CAB39: variants seen among roughly 807,000 people sequenced by gnomAD.
The protein encoded by CAB39 is calcium-binding protein 39.
Under a neutral mutation model 40.0 loss-of-function variants are expected in CAB39, and 8 were observed. That is an observed-to-expected ratio of 0.20 (90% CI 0.12 to 0.36). The LOEUF (loss-of-function observed/expected upper bound fraction) is 0.36. Ranked by LOEUF, CAB39 falls within the 10% of genes least tolerant of loss-of-function variation. The probability of loss-of-function intolerance (pLI) is 1.00; values close to 1 mark genes in which losing one functional copy is unlikely to be tolerated. For synonymous variants in CAB39, 156 were observed against 141.6 expected (o/e 1.10, Z -0.72); for missense variants, 270 against 401.1 (o/e 0.67, Z 2.79).
chr2:230,714,536 A>G (rs147477362), intron 1 of CAB39, among the ~76,000 whole-genome samples: 256 of 152,360 alleles, frequency 1.7e-3, no homozygotes, highest in African/African-American at 5.7e-3. Flanking sequence ...GCTACAGTGC[A>G]TAAAAACTTC....
chr2:230,740,650 A>G (rs1471435008), intron 1 of CAB39, among the ~76,000 whole-genome samples: 1 of 152,074 alleles, frequency 6.6e-6, no homozygotes, highest in East Asian at 1.9e-4. Flanking sequence ...TGGACAACCT[A>G]GATCCCTCGA....
At chr2:230,715,102 A>C (rs145565889) in intron 1 of CAB39, among the ~76,000 whole-genome samples, 24 of 152,302 alleles carry the variant, frequency 1.6e-4, no homozygotes, top group African/African-American at 5.5e-4. Flanking sequence ...TTTTCTTTGC[A>C]TAATGAAATA....
chr2:230,758,297 CAAAAAAA>C (rs201939916), intron 1 of CAB39, among the ~76,000 whole-genome samples: 899 of 73,438 alleles, frequency 0.012, 34 homozygotes, highest in Admixed American at 0.1. Flanking sequence ...AGCGAGACTC[CAAAAAAA>C]AAAAAAAAAA....
At chr2:230,756,160 A>C (rs1450764424) in intron 1 of CAB39, among the ~76,000 whole-genome samples, 1 of 152,248 alleles carries the variant, frequency 6.6e-6, no homozygotes, top group Non-Finnish European at 1.5e-5. Flanking sequence ...GTTGCTTAAC[A>C]ACTGGGATGG....
intron 2 of CAB39, among the ~76,000 whole-genome samples, chr2:230,760,641 C>G (rs959187860): frequency 6.6e-6 from 1 of 152,192 alleles, no homozygotes; most frequent in African/African-American, 2.4e-5. Flanking sequence ...CGGTTCTTCC[C>G]CCACAATCTT....
chr2:230,742,653 G>C (rs1015886191), intron 1 of CAB39, among the ~76,000 whole-genome samples: 1 of 151,488 alleles, frequency 6.6e-6, no homozygotes, highest in Non-Finnish European at 1.5e-5. Flanking sequence ...TCCAAAGCCA[G>C]CTGGCTAATG....
intron 2 of CAB39, among the ~76,000 whole-genome samples, chr2:230,776,489 T>C (rs1193842245): frequency 6.6e-6 from 1 of 152,252 alleles, no homozygotes; most frequent in Non-Finnish European, 1.5e-5. Flanking sequence ...CACACTTATC[T>C]GTTCTCCAAG....
chr2:230,764,896 C>T (rs1030521665), intron 2 of CAB39, among the ~76,000 whole-genome samples: 2 of 152,186 alleles, frequency 1.3e-5, no homozygotes, highest in African/African-American at 4.8e-5. Context: ...CATTTGTTAA[C>T]TCCAAGTGTT....
intron 1 of CAB39, among the ~76,000 whole-genome samples, chr2:230,733,117 G>T (rs1694724280): frequency 6.6e-6 from 1 of 152,172 alleles, no homozygotes; most frequent in African/African-American, 2.4e-5. Context: ...AGTCATAGGG[G>T]AGTCAAAATA....
chr2:230,808,652 A>G (rs1197721217), intron 5 of CAB39, among the ~76,000 whole-genome samples: 2 of 152,164 alleles, frequency 1.3e-5, no homozygotes, highest in Non-Finnish European at 2.9e-5. Flanking sequence ...GGTTTTTAAT[A>G]TGGCCTGTTG....
rs1016138931 is a variant in CAB39 at position 230,818,411 on chromosome 2, C to T, written c.838-105C>T. On this transcript the variant is annotated intron_variant, in intron 8 of 8. Coordinates refer to ENST00000258418, the MANE Select transcript of CAB39 (RefSeq NM_016289.4). Reference sequence around the variant, plus strand: ...AACCTAATGACCCTGACTTCAGCGCCATCCCAGGAGAGCACAGCTCTGCTT... The same window carrying T: ...AACCTAATGACCCTGACTTCAGCGCTATCCCAGGAGAGCACAGCTCTGCTT... 9 of 849,186 alleles carry T rather than the reference C, an allele frequency of 1.1e-5. No individual in the cohort carries two copies. In the African/African-American group the frequency reaches 1.6e-4, roughly 15 times the overall value. 52.6% of individuals were successfully genotyped at this position (849,186 alleles called of 1,614,324 possible). A position where few individuals can be genotyped will look rare whatever the true frequency, so the allele number is the denominator to read the frequency against.
intron 1 of CAB39, among the ~76,000 whole-genome samples, chr2:230,727,402 T>TGTGTGTGTGTA (rs1559589592): frequency 4.7e-5 from 5 of 105,458 alleles, no homozygotes; most frequent in African/African-American, 2.1e-4. Context: ...GTGTGTGTAT[T>TGTGTGTGTGTA]TTTTTTTCTT....
chr2:230,766,526 C>CTCCA (rs1411580442), intron 2 of CAB39, among the ~76,000 whole-genome samples: 3 of 152,180 alleles, frequency 2.0e-5, no homozygotes, highest in Non-Finnish European at 2.9e-5. Context: ...CAGGCCCTAC[C>CTCCA]TCCAGCACTA....
At chr2:230,720,009 A>T (rs1436921529) in intron 1 of CAB39, among the ~76,000 whole-genome samples, 3 of 152,206 alleles carry the variant, frequency 2.0e-5, no homozygotes, top group African/African-American at 7.2e-5. Context: ...GTATTTTCAA[A>T]TGTTCTACCT....
At chr2:230,811,956 G>A (rs1696313050) in intron 6 of CAB39, among the ~76,000 whole-genome samples, 1 of 152,160 alleles carries the variant, frequency 6.6e-6, no homozygotes, top group Non-Finnish European at 1.5e-5. Context: ...CATATGTGAG[G>A]CAACAAATCT....
chr2:230,819,782 T>C lies in CAB39; in HGVS notation c.*1078T>C, dbSNP rs1343643676. 1 of 152,356 alleles carries C rather than the reference T, an allele frequency of 6.6e-6. No individual in the cohort carries two copies. The highest frequency in any genetic ancestry group is 2.4e-5 in the African/African-American group (1 of 41,464). The allele number at this position is 152,356 out of a possible 1,614,324, so 9.4% of individuals were successfully genotyped here. A position where few individuals can be genotyped will look rare whatever the true frequency, so the allele number is the denominator to read the frequency against. On this transcript the variant is annotated 3_prime_UTR_variant, in exon 9 of 9. Coordinates refer to ENST00000258418, the MANE Select transcript of CAB39 (RefSeq NM_016289.4). ...ACCTTCCTGCATCCTATTGGCCTTA[T>C]TCATTTTAAATGAGTTAATGAATCT...
At chr2:230,739,275 A>C (rs1293276076) in intron 1 of CAB39, among the ~76,000 whole-genome samples, 1 of 152,202 alleles carries the variant, frequency 6.6e-6, no homozygotes, top group African/African-American at 2.4e-5. Context: ...ATACAGTGCT[A>C]ATTTGTCTAG....
At chr2:230,816,710 A>T (rs976957655) in intron 7 of CAB39, among the ~76,000 whole-genome samples, 7 of 152,234 alleles carry the variant, frequency 4.6e-5, no homozygotes, top group Admixed American at 4.6e-4. Flanking sequence ...CTGCAGATAC[A>T]GGCCTGATAC....
chr2:230,817,682 T>C, intron 7 of CAB39, 72 bp from the exon 8 acceptor site: 1 of 1,208,434 alleles, frequency 8.3e-7, no homozygotes, highest in Non-Finnish European at 1.2e-6. Flanking sequence ...GATTATAAAA[T>C]AAATTGTTTT....
Sources: allele counts gnomAD v4.1 joint callset (sites outside exome capture counted in the v4.1 genomes callset), GRCh38; gene constraint gnomAD v4.1.1; transcripts MANE v1.5; gene names NCBI Gene and HGNC (gene_info 2026-07-23, HGNC 2026-07-21).